The following OTOGL variants were observed in gnomAD, a reference collection of about 807,000 sequenced individuals.
OTOGL encodes otogelin-like protein.
Under a neutral mutation model 318.5 loss-of-function variants are expected in OTOGL, and 285 were observed. The ratio of observed to expected loss-of-function variants is 0.89; its 90% CI spans 0.81 to 0.99. The LOEUF (loss-of-function observed/expected upper bound fraction) is 0.99, where lower values mean the gene tolerates loss of function less well. OTOGL is among the 50% of genes least tolerant of loss of function. The pLI, the probability that OTOGL is intolerant of heterozygous loss-of-function variation, is 0.00. For synonymous variants in OTOGL, 987 were observed against 936.5 expected (o/e 1.05, Z -0.99); for missense variants, 2,899 against 2,845.6 (o/e 1.02, Z -0.43).
In OTOGL at chr12:80,377,899, A is replaced by G; in HGVS notation, c.6913A>G (p.Ile2305Val). 6.2e-7 allele frequency: 1 copy of G among 1,611,626 alleles called. No homozygotes were observed. ...ATGCCCATCAGCTACCATATATAAC[A>G]TCAATATTGAAAGTCACCTAAGATT... ...GKCPSATIYN[I>V]NIESHLRFCK... The change falls in exon 59 of 59, where the codon ATC becomes GTC. Residue 2305 changes from isoleucine (I) to valine (V), a missense_variant. Physicochemically the swap from Ile to Val is conservative, Grantham distance 29 (BLOSUM62 3). Coordinates refer to ENST00000547103, the MANE Select transcript of OTOGL (RefSeq NM_001378609.3).
At chr12:80,297,761 T>C (rs796462728) in intron 27 of OTOGL, among the ~76,000 whole-genome samples, 24 of 152,332 alleles carry the variant, frequency 1.6e-4, no homozygotes, top group African/African-American at 5.3e-4. Context: ...GCCTGCTCTT[T>C]CATTACTTTC....
At chr12:80,348,159 C>T (rs1413080767) in intron 44 of OTOGL, among the ~76,000 whole-genome samples, 2 of 151,232 alleles carry the variant, frequency 1.3e-5, no homozygotes, top group Admixed American at 6.6e-5. Context: ...GCTTTTGTTG[C>T]CATTGTTTTT....
intron 6 of OTOGL, among the ~76,000 whole-genome samples, 182 bp from the exon 7 acceptor site, chr12:80,221,909 C>T (rs751779429): frequency 6.6e-6 from 1 of 152,012 alleles, no homozygotes; most frequent in African/African-American, 2.4e-5. Flanking sequence ...CCCTGTTTTT[C>T]TTCAGGGGAG....
At chr12:80,233,521 G>T (rs1472187086) in intron 9 of OTOGL, among the ~76,000 whole-genome samples, 3 of 152,134 alleles carry the variant, frequency 2.0e-5, no homozygotes, top group African/African-American at 7.2e-5. Flanking sequence ...TTCTTGATAG[G>T]AATAAGTTGA....
rs374137520 is a variant in OTOGL, at chr12:80,325,763, G to A, written c.4199+1923G>A. ...TGGCCCTGGAGTGAGGCTAAGCAATGCGAAGGGCATGTGGGGAAGGAAGGA... is the reference window on the plus strand; with the variant it reads ...TGGCCCTGGAGTGAGGCTAAGCAATACGAAGGGCATGTGGGGAAGGAAGGA... On this transcript the variant is annotated intron_variant, in intron 35 of 58. Transcript: ENST00000547103. 2.1e-3 allele frequency among the ~76,000 whole-genome samples: 326 copies of A among 152,300 alleles called. 1 individual carries two copies. The highest frequency in any genetic ancestry group is 7.5e-3 in the African/African-American group (313 of 41,574).
chr12:80,301,835 A>G (rs939822154), intron 27 of OTOGL, among the ~76,000 whole-genome samples: 9 of 152,226 alleles, frequency 5.9e-5, no homozygotes, highest in African/African-American at 2.2e-4. Flanking sequence ...ATTGCCATCA[A>G]TCAGAACATA....
intron 1 of OTOGL, among the ~76,000 whole-genome samples, chr12:80,115,947 C>T (rs1329987503): frequency 6.6e-6 from 1 of 152,164 alleles, no homozygotes; most frequent in African/African-American, 2.4e-5. Flanking sequence ...GCTGTGCTGG[C>T]AGCGAGAATT....
intron 1 of OTOGL, among the ~76,000 whole-genome samples, chr12:80,207,207 T>A (rs1565899617): frequency 1.3e-5 from 2 of 152,080 alleles, no homozygotes; most frequent in Non-Finnish European, 2.9e-5. Flanking sequence ...TTTTTGGAAT[T>A]TTTTTTTCTT....
chr12:80,108,754 A>AATATATATATATACACGT (rs2137074997), intron 1 of OTOGL, among the ~76,000 whole-genome samples: 1 of 135,140 alleles, frequency 7.4e-6, no homozygotes, highest in East Asian at 2.1e-4. Context: ...TATTTAAAAA[A>AATATATATATATACACGT]ATATATATAT....
intron 1 of OTOGL, among the ~76,000 whole-genome samples, chr12:80,124,182 A>G (rs557065030): frequency 6.6e-6 from 1 of 152,244 alleles, no homozygotes; most frequent in Non-Finnish European, 1.5e-5. Context: ...TCTAACATTT[A>G]AGTCTTTAAT....
chr12:80,226,216 ACACACAC>A (rs1878835496), intron 7 of OTOGL, among the ~76,000 whole-genome samples: 1 of 149,888 alleles, frequency 6.7e-6, no homozygotes, highest in African/African-American at 2.5e-5. Flanking sequence ...ACACACACAC[ACACACAC>A]TTCCCTTCAC....
chr12:80,148,626 C>T (rs546710483), intron 1 of OTOGL, among the ~76,000 whole-genome samples: 152 of 152,250 alleles, frequency 1.0e-3, no homozygotes, highest in South Asian at 5.4e-3. Flanking sequence ...GGAAATTCTC[C>T]TGCATAATAT....
intron 13 of OTOGL, among the ~76,000 whole-genome samples, chr12:80,252,801 G>T (rs868135019): frequency 7.2e-5 from 11 of 152,308 alleles, no homozygotes; most frequent in Middle Eastern, 6.8e-3. Flanking sequence ...TCTGCTCATT[G>T]TTCTGTTAGT....
chr12:80,107,889 T>G (rs1040665311), intron 1 of OTOGL, among the ~76,000 whole-genome samples: 12 of 152,142 alleles, frequency 7.9e-5, no homozygotes, highest in African/African-American at 2.6e-4. Context: ...AAATGGGAGC[T>G]AAGTAACAAG....
Position 80,229,294 on chromosome 12 carries a change from C to A in OTOGL, c.527C>A (p.Ser176Tyr). Reference sequence around the variant, plus strand: ...CCTAAATGCCTTGGTTCGGTGTATTCTTGTTATCGGTCAATCAGCTTGTTC... The same window carrying A: ...CCTAAATGCCTTGGTTCGGTGTATTATTGTTATCGGTCAATCAGCTTGTTC... ...NSPKCLGSVYSCYRSISLFFS... is the reference protein window; with the variant it reads ...NSPKCLGSVYYCYRSISLFFS... The change falls in exon 8 of 59, where the codon TCT (serine) becomes TAT (tyrosine). Residue 176 changes from serine (S) to tyrosine (Y), a missense_variant. Ser to Tyr is a moderately radical substitution (Grantham distance 144). Coordinates refer to ENST00000547103, the MANE Select transcript of OTOGL (RefSeq NM_001378609.3). The A allele has an allele frequency of 6.3e-7, 1 of 1,597,230 alleles. No homozygotes were observed. The highest frequency in any genetic ancestry group is 8.5e-7 in the Non-Finnish European group (1 of 1,177,868).
chr12:80,161,973 TA>T (rs1277803038), intron 1 of OTOGL, among the ~76,000 whole-genome samples: 1 of 152,170 alleles, frequency 6.6e-6, no homozygotes, highest in East Asian at 1.9e-4. Flanking sequence ...TGTTTGGATT[TA>T]AATAAATTCC....
chr12:80,101,379 G>T (rs912839575), intron 1 of OTOGL, among the ~76,000 whole-genome samples: 2 of 152,114 alleles, frequency 1.3e-5, no homozygotes, highest in Non-Finnish European at 2.9e-5. Flanking sequence ...AAGAATTAAG[G>T]TAGTCACACA....
chr12:80,325,793 A>G (rs1279074230), intron 35 of OTOGL, among the ~76,000 whole-genome samples: 2 of 152,180 alleles, frequency 1.3e-5, no homozygotes, highest in African/African-American at 2.4e-5. Flanking sequence ...GAAGGAAGAC[A>G]GCAGCAGGCA....
At position 80,318,564 on chromosome 12, in the gene OTOGL, A is replaced by G. The variant is rs763389475; in HGVS notation, c.3653A>G (p.Tyr1218Cys). Residue 1218 changes from tyrosine (Y) to cysteine (C), a missense_variant, in exon 33 of 59, where the codon TAT becomes TGT. Transcript: ENST00000547103. Reference sequence around the variant, plus strand: ...TAACTAGGACTTGGAGAAGGACCATATATGCTGGCAAGCTATGGGCAGAGT... The same window carrying G: ...TAACTAGGACTTGGAGAAGGACCATGTATGCTGGCAAGCTATGGGCAGAGT... ...YYNEGLGEGP[Y>C]MLASYGQSGL... 25 of 1,364,218 alleles carry G rather than the reference A, an allele frequency of 1.8e-5. 1 individual carries two copies. Among genetic ancestry groups the G allele is most frequent in the Middle Eastern group, 1.9e-4 (1 of 5,262 alleles). 84.5% of individuals were successfully genotyped at this position (1,364,218 alleles called of 1,614,324 possible). A position where few individuals can be genotyped will look rare whatever the true frequency, so the allele number is the denominator to read the frequency against.
Sources: gnomAD v4.1 joint callset for allele counts (sites outside exome capture counted in the v4.1 genomes callset) on GRCh38, gnomAD v4.1.1 for gene constraint, MANE v1.5 for transcripts, NCBI Gene and HGNC (gene_info 2026-07-23, HGNC 2026-07-21) for gene names.